Variants in CTTNBP2NL observed in about 807,000 individuals in gnomAD.
CTTNBP2NL encodes CTTNBP2 N-terminal-like protein.
CTTNBP2NL carries 16 observed loss-of-function variants against 32.5 expected under a neutral mutation model. The observed-to-expected ratio is 0.49, with a 90% CI of 0.33 to 0.75. The LOEUF (loss-of-function observed/expected upper bound fraction) is 0.75. CTTNBP2NL is among the 30% of genes least tolerant of loss of function. CTTNBP2NL has a pLI of 0.02. For missense variants in CTTNBP2NL, 645 were observed against 756.0 expected (o/e 0.85, Z 1.72); for synonymous variants, 298 against 289.4 (o/e 1.03, Z -0.30).
chr1:112,407,301 A>G (rs1054518600), intron 1 of CTTNBP2NL, among the ~76,000 whole-genome samples: 1 of 152,242 alleles, frequency 6.6e-6, no homozygotes, highest in African/African-American at 2.4e-5. Flanking sequence ...TAGGGCTGCT[A>G]TAACAAAGTA....
chr1:112,441,764 AT>A (rs1202285874), intron 3 of CTTNBP2NL, among the ~76,000 whole-genome samples: 1 of 151,948 alleles, frequency 6.6e-6, no homozygotes, highest in Admixed American at 6.5e-5. Context: ...GTATCTTTTT[AT>A]TTTTTTAACT....
At chr1:112,439,595 T>C (rs915799305) in intron 3 of CTTNBP2NL, among the ~76,000 whole-genome samples, 15 of 152,182 alleles carry the variant, frequency 9.9e-5, no homozygotes, top group African/African-American at 3.6e-4. Context: ...TTTTCGGCAC[T>C]GTCTGTTAAT....
chr1:112,437,341 T>A (rs192288317), intron 3 of CTTNBP2NL, among the ~76,000 whole-genome samples: 111 of 152,348 alleles, frequency 7.3e-4, no homozygotes, highest in African/African-American at 2.6e-3. Flanking sequence ...TATGAGATGG[T>A]ATCTCATTGT....
Position 112,430,975 on chromosome 1 carries a change from G to A in CTTNBP2NL, c.99+14711G>A, listed in dbSNP as rs1198086911. On this transcript the variant is annotated intron_variant, in intron 3 of 5. Transcript: ENST00000271277. ...TCATATTACAAATTGTGGCATTTAG[G>A]GGTTTAAGAATGAAGATGCCAGAAG... Among the ~76,000 whole-genome samples the A allele has an allele frequency of 4.6e-5, 7 of 152,276 alleles. No individual in the cohort carries two copies. The South Asian group carries it at 1.2e-3, about 27-fold the overall frequency.
chr1:112,450,555 T>C (rs1650185041), intron 4 of CTTNBP2NL, among the ~76,000 whole-genome samples: 1 of 152,168 alleles, frequency 6.6e-6, no homozygotes, highest in African/African-American at 2.4e-5. Flanking sequence ...AGGCAGGCTT[T>C]ATTTCCACTT....
Position 112,454,477 on chromosome 1 carries a change from A to AGCGGCATGCACAGGAT in CTTNBP2NL, c.360_375dup (p.Thr126AlafsTer8). Reference sequence around the variant, plus strand: ...ATCCTAGACCTTGAGGAAGAAAGGCAGCGGCATGCACAGGATACGGCTGAA... The same window carrying AGCGGCATGCACAGGAT: ...ATCCTAGACCTTGAGGAAGAAAGGCAGCGGCATGCACAGGATGCGGCATGCACAGGATACGGCTGAA... On this transcript the variant is annotated frameshift_variant, in exon 5 of 6. Coordinates refer to ENST00000271277, the MANE Select transcript of CTTNBP2NL (RefSeq NM_018704.3). LOFTEE classifies it high-confidence loss of function. The AGCGGCATGCACAGGAT allele has an allele frequency of 6.2e-7, 1 of 1,614,086 alleles. No individual in the cohort carries two copies. The highest frequency in any genetic ancestry group is 8.5e-7 in the Non-Finnish European group (1 of 1,179,902).
chr1:112,402,209 G>C (rs766347749), intron 1 of CTTNBP2NL, among the ~76,000 whole-genome samples: 14 of 152,010 alleles, frequency 9.2e-5, no homozygotes, highest in Non-Finnish European at 2.1e-4. Flanking sequence ...ACCTGAGGCT[G>C]GGAGTTCAAG....
intron 3 of CTTNBP2NL, among the ~76,000 whole-genome samples, chr1:112,442,536 T>A (rs942028295): frequency 2.0e-5 from 3 of 152,108 alleles, no homozygotes; most frequent in Non-Finnish European, 4.4e-5. Context: ...CAGTCCAGAA[T>A]GTACATATAA....
chr1:112,456,526 A>G lies in CTTNBP2NL; in HGVS notation c.1034A>G (p.Tyr345Cys), dbSNP rs1221156787. The part of the protein sequence containing the change: ...LPGPATPAYS[Y>C]AKTNGHCDPE... ...GGTCCTGCCACTCCTGCTTACTCAT[A>G]TGCAAAAACCAATGGCCATTGTGAC... is the stretch of plus-strand genomic sequence containing the variant. The change falls in exon 6 of 6, where the codon TAT becomes TGT. Residue 345 changes from tyrosine (Y) to cysteine (C), a missense_variant. Transcript: ENST00000271277. The G allele has an allele frequency of 6.2e-7, 1 of 1,614,184 alleles. No homozygotes were observed. Among genetic ancestry groups the G allele is most frequent in the Non-Finnish European group, 8.5e-7 (1 of 1,180,016 alleles).
At chr1:112,396,838 T>G (rs1648346067) in intron 1 of CTTNBP2NL, among the ~76,000 whole-genome samples, 1 of 152,206 alleles carries the variant, frequency 6.6e-6, no homozygotes, top group Admixed American at 6.5e-5. Context: ...TGATGCTCAG[T>G]CTTCCTCCCG....
Position 112,457,213 on chromosome 1 carries a change from C to T in CTTNBP2NL, c.1721C>T (p.Ala574Val). ...ATCAAGTCCCCAACCATCCCCAGAG[C>T]TGAGAGAGGAAACCCTCCACCCATC... The part of the protein sequence containing the change: ...PGIKSPTIPR[A>V]ERGNPPPIPP... Residue 574 changes from alanine (A) to valine (V), a missense_variant, in exon 6 of 6, where the codon GCT (alanine) becomes GTT (valine). Ala to Val is a moderately conservative substitution (Grantham distance 64, BLOSUM62 0). Coordinates refer to ENST00000271277, the MANE Select transcript of CTTNBP2NL (RefSeq NM_018704.3). 2 of 1,614,172 alleles carry T rather than the reference C, an allele frequency of 1.2e-6. No individual in the cohort carries two copies. The highest frequency in any genetic ancestry group is 1.3e-5 in the African/African-American group (1 of 75,052).
chr1:112,447,229 G>A (rs535819453), intron 3 of CTTNBP2NL, among the ~76,000 whole-genome samples: 75 of 137,246 alleles, frequency 5.5e-4, no homozygotes, highest in African/African-American at 2.0e-3. Flanking sequence ...AGCCAAGATT[G>A]TGCCACTGCT....
intron 3 of CTTNBP2NL, among the ~76,000 whole-genome samples, chr1:112,432,811 CTCTT>C (rs1241323623): frequency 1.3e-5 from 2 of 149,832 alleles, no homozygotes; most frequent in Non-Finnish European, 3.0e-5. Context: ...CACCCTAGTT[CTCTT>C]TCTCTCTTTA....
chr1:112,393,258 T>A (rs926331049), upstream of CTTNBP2NL, among the ~76,000 whole-genome samples: 4 of 152,200 alleles, frequency 2.6e-5, no homozygotes, highest in Admixed American at 6.5e-5. Context: ...GATGACAGAA[T>A]AAGAACTAGA....
chr1:112,456,091 C>A lies in CTTNBP2NL; in HGVS notation c.599C>A (p.Ala200Glu), dbSNP rs1650353258. 1 of 1,613,934 alleles carries A rather than the reference C, an allele frequency of 6.2e-7. No individual in the cohort carries two copies. Among genetic ancestry groups the A allele is most frequent in the African/African-American group, 1.3e-5 (1 of 74,902 alleles). ...AAGGCAGCCGAGGAAGGACAGAAGG[C>A]AGGAGAGCTGAGCCTGAAATTGGAG... The part of the protein sequence containing the change: ...TNKAAEEGQK[A>E]GELSLKLEKE... The change falls in exon 6 of 6, where the codon GCA becomes GAA. Residue 200 changes from alanine to glutamate, a missense_variant. Ala to Glu is a moderately radical substitution (Grantham distance 107). Transcript: ENST00000271277.
chr1:112,456,128 C>T lies in CTTNBP2NL; in HGVS notation c.636C>T (p.Ser212=), dbSNP rs763123313. Residue 212 remains serine, a synonymous_variant, in exon 6 of 6, where the codon AGC becomes AGT. Coordinates refer to ENST00000271277, the MANE Select transcript of CTTNBP2NL (RefSeq NM_018704.3). ...ELSLKLEKEK[S]RVSKLEEELA... is the part of the protein sequence containing the mutation. ...GCCTGAAATTGGAGAAGGAGAAGAG[C>T]CGGGTGAGTAAACTGGAAGAAGAGT... The T allele has an allele frequency of 1.9e-6, 3 of 1,613,796 alleles. No individual in the cohort carries two copies. Among genetic ancestry groups the T allele is most frequent in the Non-Finnish European group, 2.5e-6 (3 of 1,180,014 alleles).
chr1:112,416,246 T>C lies in CTTNBP2NL; in HGVS notation c.81T>C (p.Leu27=). ...AAGGAGAGCTTGAAGCAAGGGACCT[T>C]GTTATAGAAGCCTTAAAGGTATGTT... ...ILEGELEARD[L]VIEALKAQHR... The change falls in exon 3 of 6, where the codon CTT becomes CTC. Residue 27 remains leucine, a synonymous_variant. Coordinates refer to ENST00000271277, the MANE Select transcript of CTTNBP2NL (RefSeq NM_018704.3). The C allele has an allele frequency of 6.3e-7, 1 of 1,580,960 alleles. No individual in the cohort carries two copies. Among genetic ancestry groups the C allele is most frequent in the Non-Finnish European group, 8.7e-7 (1 of 1,156,020 alleles).
chr1:112,435,095 A>G (rs1370483027), intron 3 of CTTNBP2NL, among the ~76,000 whole-genome samples: 1 of 144,802 alleles, frequency 6.9e-6, no homozygotes, highest in African/African-American at 2.6e-5. Context: ...GCAAGCCGAG[A>G]TCACACCATT....
At chr1:112,419,924 A>G (rs1330024852) in intron 3 of CTTNBP2NL, among the ~76,000 whole-genome samples, 1 of 152,198 alleles carries the variant, frequency 6.6e-6, no homozygotes, top group Non-Finnish European at 1.5e-5. Context: ...TCGATCATTG[A>G]TAAAGATCAC....
Sources: allele counts gnomAD v4.1 joint callset (sites outside exome capture counted in the v4.1 genomes callset), GRCh38; gene constraint gnomAD v4.1.1; transcripts MANE v1.5; gene names NCBI Gene and HGNC (gene_info 2026-07-23, HGNC 2026-07-21).